The following CCDC171 variants were observed in gnomAD, a reference collection of about 807,000 sequenced individuals.
CCDC171 encodes coiled-coil domain containing 171.
A neutral mutation model predicts 168.2 loss-of-function variants in CCDC171; 177 were observed. That is an observed-to-expected ratio of 1.05 (90% CI 0.93 to 1.19). The LOEUF (loss-of-function observed/expected upper bound fraction) is 1.19, where lower values mean the gene tolerates loss of function less well. Ranked by LOEUF, CCDC171 falls within the 50% of genes most tolerant of loss-of-function variation. The pLI is 0.00. For synonymous variants in CCDC171, 687 were observed against 540.8 expected (o/e 1.27, Z -3.75); for missense variants, 1,991 against 1,539.0 (o/e 1.29, Z -4.91).
chr9:15,793,122 G>A (rs1290299318), intron 21 of CCDC171, among the ~76,000 whole-genome samples: 1 of 152,022 alleles, frequency 6.6e-6, no homozygotes, highest in Admixed American at 6.6e-5. Flanking sequence ...TAAAGGGATG[G>A]AGGAAGATCT....
chr9:15,709,016 C>A (rs1374653608), intron 11 of CCDC171, among the ~76,000 whole-genome samples: 1 of 151,872 alleles, frequency 6.6e-6, no homozygotes, highest in Non-Finnish European at 1.5e-5. Flanking sequence ...AAAAACTAAG[C>A]ACCACAAAAC....
intron 21 of CCDC171, among the ~76,000 whole-genome samples, chr9:15,814,168 C>T (rs894402144): frequency 9.2e-5 from 14 of 152,118 alleles, no homozygotes; most frequent in South Asian, 4.1e-4. Flanking sequence ...CCATTGATTT[C>T]CCAGAATATT....
chr9:15,832,488 T>A (rs560887857), intron 21 of CCDC171, among the ~76,000 whole-genome samples: 1 of 152,342 alleles, frequency 6.6e-6, no homozygotes, highest in East Asian at 1.9e-4. Flanking sequence ...GCTACAAACC[T>A]GTACAGAATG....
chr9:15,631,751 G>C (rs200548826), intron 7 of CCDC171, among the ~76,000 whole-genome samples: 5 of 152,078 alleles, frequency 3.3e-5, no homozygotes, highest in African/African-American at 7.2e-5. Flanking sequence ...CCTTGATGAA[G>C]ATTGATGCAA....
chr9:16,002,527 G>T (rs1335017823), intron 3 of CCDC171, among the ~76,000 whole-genome samples: 1 of 152,154 alleles, frequency 6.6e-6, no homozygotes, highest in East Asian at 1.9e-4. Context: ...TATTATGAAA[G>T]AGTCAAAATG....
intron 21 of CCDC171, among the ~76,000 whole-genome samples, chr9:15,810,488 G>A (rs7030898): frequency 0.92 from 129,674 of 140,770 alleles, 59,745 homozygotes; most frequent in East Asian, 0.98. Context: ...TTGGGGGCCC[G>A]CCATGGGGTG....
intron 25 of CCDC171, among the ~76,000 whole-genome samples, chr9:15,927,346 A>G (rs1200839054): frequency 1.3e-5 from 2 of 151,674 alleles, no homozygotes; most frequent in Non-Finnish European, 3.0e-5. Context: ...ACAGCCCAGT[A>G]GAGAACAGTA....
chr9:16,008,653 CT>C (rs1832775551), intron 3 of CCDC171, among the ~76,000 whole-genome samples: 1 of 152,196 alleles, frequency 6.6e-6, no homozygotes, highest in Admixed American at 6.5e-5. Flanking sequence ...GCTGCTGCCC[CT>C]CTCCTTGCAT....
At chr9:15,888,514 A>G (rs1258000556) in intron 24 of CCDC171, among the ~76,000 whole-genome samples, 1 of 152,154 alleles carries the variant, frequency 6.6e-6, no homozygotes, top group East Asian at 1.9e-4. Context: ...ACACCATTTA[A>G]TTTTGGAAAG....
intron 10 of CCDC171, among the ~76,000 whole-genome samples, chr9:15,684,354 T>A (rs965416393): frequency 6.6e-6 from 1 of 152,076 alleles, no homozygotes; most frequent in Non-Finnish European, 1.5e-5. Context: ...AAAAACCCAT[T>A]GACTAAAGGC....
intron 2 of CCDC171, among the ~76,000 whole-genome samples, chr9:15,567,616 C>T (rs943281417): frequency 2.6e-5 from 4 of 151,880 alleles, no homozygotes; most frequent in Non-Finnish European, 4.4e-5. Flanking sequence ...TTTTCAACTC[C>T]TTTGAACAAC....
chr9:15,809,384 T>G (rs975718456), intron 21 of CCDC171, among the ~76,000 whole-genome samples: 4 of 152,186 alleles, frequency 2.6e-5, no homozygotes, highest in African/African-American at 9.7e-5. Flanking sequence ...TCTCACTGTG[T>G]CTGAAATTGG....
the CCDC171 span, among the ~76,000 whole-genome samples, chr9:16,082,742 C>T: frequency 0.016 from 2,375 of 152,244 alleles, 48 homozygotes; most frequent in African/African-American, 0.053. Context: ...TAGAATGGAC[C>T]GTGCATTCTT....
chr9:15,950,023 C>G lies in CCDC171; in HGVS notation c.3754-21586C>G, dbSNP rs116453312. 5.3e-3 allele frequency among the ~76,000 whole-genome samples: 804 copies of G among 151,970 alleles called. 5 individuals are homozygous for G. Among genetic ancestry groups the G allele is most frequent in the African/African-American group, 0.019 (787 of 41,492 alleles). On this transcript the variant is annotated intron_variant, in intron 25 of 25. Coordinates refer to ENST00000380701, the MANE Select transcript of CCDC171 (RefSeq NM_173550.4). ...GAGAGTTTTTAGCATGAAGGAGTAT[C>G]AGCGATGGAAGATGAAGTGAATGAA...
At position 15,571,750 on chromosome 9, in the gene CCDC171, C is replaced by T. The variant is rs1204540724; in HGVS notation, c.168C>T (p.His56=). The change falls in exon 3 of 26, where the codon CAC becomes CAT. Residue 56 remains histidine, a synonymous_variant. Transcript: ENST00000380701. The part of the protein sequence containing the change: ...KKEKLEITTK[H]NAELASYESQ... ...AAAAGTTAGAAATAACAACCAAACA[C>T]AATGCAGAGGTACGATTTATTTTCC... 6.3e-7 allele frequency: 1 copy of T among 1,580,140 alleles called. No individual in the cohort carries two copies. The highest frequency in any genetic ancestry group is 1.4e-5 in the African/African-American group (1 of 72,556).
intron 18 of CCDC171, among the ~76,000 whole-genome samples, chr9:15,771,542 AGCT>A (rs1473090299): frequency 1.3e-5 from 2 of 150,148 alleles, no homozygotes; most frequent in Admixed American, 6.8e-5. Flanking sequence ...GAATTATAAA[AGCT>A]CCTTGTGTAT....
intron 1 of CCDC171, among the ~76,000 whole-genome samples, chr9:16,049,813 TG>T (rs1183078661): frequency 6.6e-6 from 1 of 152,188 alleles, no homozygotes; most frequent in Non-Finnish European, 1.5e-5. Context: ...AATATCCTAT[TG>T]GTTCTGTCTC....
At chr9:15,662,612 A>T in intron 8 of CCDC171, among the ~76,000 whole-genome samples, 1 of 152,104 alleles carries the variant, frequency 6.6e-6, no homozygotes. Context: ...GTGTAGTTTC[A>T]TTATTGTATG....
intron 3 of CCDC171, among the ~76,000 whole-genome samples, chr9:16,003,599 A>G (rs1887664): frequency 0.37 from 55,946 of 152,038 alleles, 11,392 homozygotes; most frequent in East Asian, 0.62. Context: ...CTGAATATAT[A>G]AAAAGGCTTT....
Sources: gnomAD v4.1 joint callset for allele counts (sites outside exome capture counted in the v4.1 genomes callset) on GRCh38, gnomAD v4.1.1 for gene constraint, MANE v1.5 for transcripts, NCBI Gene and HGNC (gene_info 2026-07-23, HGNC 2026-07-21) for gene names.